Variants in NECTIN1 observed in about 807,000 individuals in gnomAD.
NECTIN1 encodes the protein nectin cell adhesion molecule 1, also known as nectin-1.
A neutral mutation model predicts 48.0 loss-of-function variants in NECTIN1; 23 were observed. The ratio of observed to expected loss-of-function variants is 0.48; its 90% CI spans 0.34 to 0.68. The LOEUF (loss-of-function observed/expected upper bound fraction) is 0.68. Among genes scored for constraint, NECTIN1 ranks in the 30% least tolerant of loss-of-function variants. NECTIN1 has a pLI of 0.01. For synonymous variants in NECTIN1, 270 were observed against 288.9 expected (o/e 0.93, Z 0.66); for missense variants, 591 against 709.9 (o/e 0.83, Z 1.90).
intron 1 of NECTIN1, among the ~76,000 whole-genome samples, chr11:119,690,498 A>T (rs951063380): frequency 1.3e-5 from 2 of 152,148 alleles, no homozygotes; most frequent in African/African-American, 4.8e-5. Context: ...GCAAAGGCTT[A>T]AAGTTGAGTT....
At chr11:119,698,284 C>T (rs4938713) in intron 1 of NECTIN1, among the ~76,000 whole-genome samples, 18,461 of 152,278 alleles carry the variant, frequency 0.12, 1,390 homozygotes, top group East Asian at 0.27. Context: ...AGGGTGCTGT[C>T]ATAACTACCC....
At chr11:119,658,996 G>T (rs980902264), downstream of NECTIN1, 2 of 152,152 alleles carry the variant, frequency 1.3e-5, no homozygotes, top group Non-Finnish European at 2.9e-5. Context: ...AATTCTCAAG[G>T]CTGCCCGAAA....
At chr11:119,648,654 A>G (rs1329994393) in intron 5 of NECTIN1, among the ~76,000 whole-genome samples, 1 of 151,954 alleles carries the variant, frequency 6.6e-6, no homozygotes, top group Non-Finnish European at 1.5e-5. Context: ...GCTATGTTCC[A>G]GGGTCCCAGC....
chr11:119,698,606 A>G (rs946595743), intron 1 of NECTIN1, among the ~76,000 whole-genome samples: 3 of 152,202 alleles, frequency 2.0e-5, no homozygotes, highest in African/African-American at 4.8e-5. Flanking sequence ...CGCATGGTGG[A>G]CAGACCTGGG....
chr11:119,722,231 G>A (rs1475434870), intron 1 of NECTIN1, among the ~76,000 whole-genome samples: 3 of 152,234 alleles, frequency 2.0e-5, no homozygotes, highest in Non-Finnish European at 4.4e-5. Flanking sequence ...TTCACATGGG[G>A]CTCCTGAGAG....
At chr11:119,650,017 G>A (rs1420380710) in intron 5 of NECTIN1, among the ~76,000 whole-genome samples, 1 of 152,044 alleles carries the variant, frequency 6.6e-6, no homozygotes, top group African/African-American at 2.4e-5. Flanking sequence ...TAGGGGTGGG[G>A]CCATTTTATA....
Position 119,662,115 on chromosome 11 carries a change from C to G in NECTIN1, c.*2632G>C, listed in dbSNP as rs925515261. 3 of 985,330 alleles carry G rather than the reference C, an allele frequency of 3.0e-6. No homozygotes were observed. The highest frequency in any genetic ancestry group is 6.2e-5 in the Admixed American group (1 of 16,250). 61.0% of individuals were successfully genotyped at this position (985,330 alleles called of 1,614,324 possible). ...AGAGGCAGGATGACAACTGGGGAGG[C>G]CTTGGCACAATTCATACCAAGTTTA... On this transcript the variant is annotated 3_prime_UTR_variant, in exon 6 of 6. Coordinates refer to ENST00000264025, the MANE Select transcript of NECTIN1 (RefSeq NM_002855.5). The surrounding 1 kb of genome is among the most constrained non-coding windows in gnomAD (Gnocchi z 5.3).
At chr11:119,714,801 A>G (rs1408768383) in intron 1 of NECTIN1, among the ~76,000 whole-genome samples, 1 of 151,990 alleles carries the variant, frequency 6.6e-6, no homozygotes, top group Non-Finnish European at 1.5e-5. Context: ...GGAAGCTTGG[A>G]GGGCCCACCC....
chr11:119,658,730 T>C (rs1864615576), downstream of NECTIN1, among the ~76,000 whole-genome samples: 1 of 152,196 alleles, frequency 6.6e-6, no homozygotes, highest in South Asian at 2.1e-4. Context: ...TATATCCCAC[T>C]GGGGGTTCTT....
chr11:119,676,092 A>C (rs1274026850), intron 4 of NECTIN1, among the ~76,000 whole-genome samples: 1 of 152,132 alleles, frequency 6.6e-6, no homozygotes, highest in African/African-American at 2.4e-5. Flanking sequence ...AAGACCTGGG[A>C]ATCTGTATTT....
intron 1 of NECTIN1, among the ~76,000 whole-genome samples, chr11:119,720,052 G>T (rs1159850203): frequency 6.6e-6 from 1 of 152,236 alleles, no homozygotes; most frequent in Non-Finnish European, 1.5e-5. Context: ...TGGGGGACCA[G>T]TTAGGGTGGT....
intron 1 of NECTIN1, among the ~76,000 whole-genome samples, chr11:119,701,442 C>A (rs776980854): frequency 6.6e-6 from 1 of 152,104 alleles, no homozygotes; most frequent in Non-Finnish European, 1.5e-5. Context: ...GTGTCTGGGG[C>A]TCAGAACCCT....
At chr11:119,691,272 A>G (rs1291500232) in intron 1 of NECTIN1, among the ~76,000 whole-genome samples, 1 of 152,246 alleles carries the variant, frequency 6.6e-6, no homozygotes, top group Admixed American at 6.5e-5. Flanking sequence ...CCCTCAGTGC[A>G]GCAGCAGGCC....
At position 119,677,161 on chromosome 11, in the gene NECTIN1, G is replaced by A. The variant is rs531328269; in HGVS notation, c.792C>T (p.Asp264=). 8.7e-6 allele frequency: 14 copies of A among 1,614,122 alleles called. No individual in the cohort carries two copies. The East Asian group carries it at 8.9e-5, about 10-fold the overall frequency. Residue 264 remains aspartate (D), a synonymous_variant, in exon 4 of 6, where the codon GAC becomes GAT. Transcript: ENST00000264025. This position sits in a 1 kb window ranked among gnomAD's most constrained non-coding sequence, Gnocchi z 5.4. The part of the protein sequence containing the change: ...FDGNWYLQRM[D]VKLTCKADAN... Reference sequence around the variant, plus strand: ...CATCAGCTTTGCAGGTGAGCTTCACGTCCATCCGCTGCAGGTACCAGTTGC... The same window carrying A: ...CATCAGCTTTGCAGGTGAGCTTCACATCCATCCGCTGCAGGTACCAGTTGC...
Position 119,678,673 on chromosome 11 carries a change from G to A in NECTIN1, c.172C>T (p.Pro58Ser), listed in dbSNP as rs1865005963. The A allele has an allele frequency of 1.2e-6, 2 of 1,613,928 alleles. No individual in the cohort carries two copies. The highest frequency in any genetic ancestry group is 2.2e-5 in the South Asian group (2 of 91,084). ...GTGACCTGGGTGATCTTCACGCTGGGAAGCGGGTTGGCAAAGCTGCAGTGC... is the reference window on the plus strand; with the variant it reads ...GTGACCTGGGTGATCTTCACGCTGGAAAGCGGGTTGGCAAAGCTGCAGTGC... Reference protein sequence around the residue: ...VLHCSFANPLPSVKITQVTWQ... With the variant: ...VLHCSFANPLSSVKITQVTWQ... The change falls in exon 2 of 6, where the codon CCC (proline) becomes TCC (serine). Residue 58 changes from proline (P) to serine (S), a missense_variant. Transcript: ENST00000264025. The surrounding 1 kb of genome is among the most constrained non-coding windows in gnomAD (Gnocchi z 4.4).
At chr11:119,666,595 GT>G (rs1315505616) in intron 5 of NECTIN1, among the ~76,000 whole-genome samples, 1 of 152,264 alleles carries the variant, frequency 6.6e-6, no homozygotes, top group Non-Finnish European at 1.5e-5. Context: ...GCTGGCCTCG[GT>G]CAGAGCCACT....
chr11:119,728,568 C>T lies in NECTIN1; in HGVS notation c.-15G>A. 3.2e-6 allele frequency: 5 copies of T among 1,561,220 alleles called. No homozygotes were observed. The highest frequency in any genetic ancestry group is 4.3e-6 in the Non-Finnish European group (5 of 1,149,680). On this transcript the variant is annotated 5_prime_UTR_variant, in exon 1 of 6. Transcript: ENST00000264025. ...ATCCGAGCCATCGGGGGCCGGGGGT[C>T]CGGCGAGAGGGGCGGCGAGGGCAGC... is the stretch of plus-strand genomic sequence containing the variant.
chr11:119,722,787 G>A (rs544743069), intron 1 of NECTIN1, among the ~76,000 whole-genome samples: 2 of 152,356 alleles, frequency 1.3e-5, no homozygotes, highest in African/African-American at 2.4e-5. Context: ...GGGAACACGA[G>A]TAGCAGACTC....
Position 119,664,172 on chromosome 11 carries a change from C to G in NECTIN1, c.*575G>C. The G allele has an allele frequency of 1.0e-6, 1 of 986,510 alleles. No homozygotes were observed. Among genetic ancestry groups the G allele is most frequent in the Non-Finnish European group, 1.2e-6 (1 of 830,456 alleles). The allele number at this position is 986,510 out of a possible 1,614,324, so 61.1% of individuals were successfully genotyped here. The stretch of plus-strand genomic sequence containing the variant: ...CTTAACAAACAAGACTCCCTGGGAA[C>G]TGGGGAGAAGCCGCACCCCTCCCCC... On this transcript the variant is annotated 3_prime_UTR_variant, in exon 6 of 6. Transcript: ENST00000264025.
Sources: gnomAD v4.1 joint callset for allele counts (sites outside exome capture counted in the v4.1 genomes callset) on GRCh38, gnomAD v4.1.1 for gene constraint, Gnocchi (gnomAD v3.1) non-coding constraint, MANE v1.5 for transcripts, NCBI Gene and HGNC (gene_info 2026-07-23, HGNC 2026-07-21) for gene names.